The following EMX1 variants were observed in gnomAD, a reference collection of about 807,000 sequenced individuals.
EMX1 encodes homeobox protein EMX1.
In EMX1, 10 loss-of-function variants were observed where a neutral mutation model predicts 20.1. That is an observed-to-expected ratio of 0.50 (90% confidence interval 0.31 to 0.84). The LOEUF is 0.84. Among genes scored for constraint, EMX1 ranks in the 40% least tolerant of loss-of-function variants. EMX1 has a pLI of 0.05. For synonymous variants in EMX1, 250 were observed against 200.4 expected (o/e 1.25, Z -2.09); for missense variants, 424 against 431.9 (o/e 0.98, Z 0.16).
intron 1 of EMX1, among the ~76,000 whole-genome samples, chr2:72,919,383 AT>A (rs148149206): frequency 0.021 from 3,139 of 151,232 alleles, 102 homozygotes; most frequent in African/African-American, 0.071. Flanking sequence ...TTCCAGTTTT[AT>A]TTTGTTAGTG....
intron 2 of EMX1, among the ~76,000 whole-genome samples, chr2:72,928,769 G>A (rs1197028014): frequency 1.3e-5 from 2 of 152,250 alleles, no homozygotes; most frequent in Non-Finnish European, 2.9e-5. Flanking sequence ...CAGGAAGAAT[G>A]ACTAGGGTCC....
chr2:72,926,377 G>A (rs1229260329), intron 2 of EMX1: 2 of 831,028 alleles, frequency 2.4e-6, no homozygotes, highest in Admixed American at 6.2e-5. Flanking sequence ...TAACATAAAC[G>A]TATCCTGCTT....
In EMX1 at chr2:72,917,838, T is replaced by C. The variant is rs1030176420; in HGVS notation, c.-15T>C. 2 of 1,371,022 alleles carry C rather than the reference T, an allele frequency of 1.5e-6. No individual in the cohort carries two copies. Among genetic ancestry groups the C allele is most frequent in the African/African-American group, 1.5e-5 (1 of 65,872 alleles). The allele number at this position is 1,371,022 out of a possible 1,614,324, so 84.9% of individuals were successfully genotyped here. ...GCGGGCGGGCGGGGGAGGTGAGGGG[T>C]GCGGGCGGGTGTGCATGTGCCTGGC... On this transcript the variant is annotated 5_prime_UTR_variant, in exon 1 of 3. Transcript: ENST00000258106.
intron 1 of EMX1, among the ~76,000 whole-genome samples, chr2:72,918,922 G>A (rs1432414372): frequency 6.6e-6 from 1 of 152,222 alleles, no homozygotes; most frequent in Non-Finnish European, 1.5e-5. Flanking sequence ...GTCTTGGGAT[G>A]TTTCTCGGCA....
Position 72,924,390 on chromosome 2 carries a change from C to A in EMX1, c.602C>A (p.Pro201His). The change falls in exon 2 of 3, where the codon CCC (proline) becomes CAC (histidine). Residue 201 changes from proline to histidine, a missense_variant. Coordinates refer to ENST00000258106, the MANE Select transcript of EMX1 (RefSeq NM_004097.3). ...AAGCGGATCCGCACGGCCTTCTCGC[C>A]CTCGCAGCTGCTGCGGCTGGAGCGC... ...KPKRIRTAFS[P>H]SQLLRLERAF... The A allele has an allele frequency of 6.3e-7, 1 of 1,595,722 alleles. No individual in the cohort carries two copies. The highest frequency in any genetic ancestry group is 2.3e-5 in the East Asian group (1 of 44,364).
At chr2:72,925,776 C>A in intron 2 of EMX1, 1 of 985,438 alleles carries the variant, frequency 1.0e-6, no homozygotes, top group Non-Finnish European at 1.2e-6. Flanking sequence ...ACCTTACCCT[C>A]TCCTCCTTCA....
At chr2:72,921,356 G>A (rs72846984) in intron 1 of EMX1, among the ~76,000 whole-genome samples, 1 of 152,270 alleles carries the variant, frequency 6.6e-6, no homozygotes, top group Non-Finnish European at 1.5e-5. Flanking sequence ...CGTTCTCACA[G>A]CCCAGAATTA....
upstream of EMX1, chr2:72,917,502 C>T (rs1050590247): frequency 5.4e-6 from 1 of 185,454 alleles, no homozygotes; most frequent in Non-Finnish European, 1.1e-5. Context: ...TGGGCGAGCG[C>T]GGGGCAGGTG....
upstream of EMX1, chr2:72,917,495 G>A (rs894786020): frequency 3.2e-5 from 6 of 185,690 alleles, no homozygotes; most frequent in Non-Finnish European, 5.5e-5. Flanking sequence ...CGGCCAATGG[G>A]CGAGCGCGGG....
rs1671325176 is a variant in EMX1 at position 72,933,955 on chromosome 2, G to C, written c.*1G>C. 2 of 1,614,218 alleles carry C rather than the reference G, an allele frequency of 1.2e-6. No individual in the cohort carries two copies. Among genetic ancestry groups the C allele is most frequent in the Admixed American group, 1.7e-5 (1 of 60,030 alleles). ...CATCGATGTCACCTCCAATGACTAG[G>C]GTGGGCAACCACAAACCCACGAGGG... On this transcript the variant is annotated 3_prime_UTR_variant, in exon 3 of 3. Transcript: ENST00000258106.
chr2:72,922,472 G>A (rs1033495233), intron 1 of EMX1, among the ~76,000 whole-genome samples: 3 of 152,116 alleles, frequency 2.0e-5, no homozygotes, highest in Non-Finnish European at 4.4e-5. Context: ...CTAGATCTGC[G>A]CCACTTGAAT....
chr2:72,920,126 CGAATCCAGCCCCT>C (rs1444732839), intron 1 of EMX1, among the ~76,000 whole-genome samples: 3 of 152,206 alleles, frequency 2.0e-5, no homozygotes, highest in Non-Finnish European at 4.4e-5. Flanking sequence ...CCCTCGGCTT[CGAATCCAGCCCCT>C]GACGCCCTCC....
chr2:72,928,722 GGCTAA>G (rs1255895687), intron 2 of EMX1, among the ~76,000 whole-genome samples: 2 of 152,202 alleles, frequency 1.3e-5, no homozygotes, highest in Non-Finnish European at 2.9e-5. Flanking sequence ...GAGTGATGAA[GGCTAA>G]GTGCAAAGCT....
chr2:72,916,585 G>A (rs1670965836), upstream of EMX1: 1 of 649,132 alleles, frequency 1.5e-6, no homozygotes, highest in East Asian at 2.7e-5. Flanking sequence ...ACTGGCCGGA[G>A]CAGAGTCGTC....
At position 72,918,285 on chromosome 2, in the gene EMX1, C is replaced by A. The variant is rs1487507216; in HGVS notation, c.433C>A (p.His145Asn). Residue 145 changes from histidine (H) to asparagine (N), a missense_variant, in exon 1 of 3, where the codon CAC becomes AAC. By Grantham distance (68) the His-to-Asn change is moderately conservative (BLOSUM62 1). This residue lies in a region of EMX1 where 333 missense variants were observed against 296.6 expected (regional missense o/e 1.12). Transcript: ENST00000258106. ...QLGASPLQPPHSFFGAQHRDP... is the reference protein window; with the variant it reads ...QLGASPLQPPNSFFGAQHRDP... The stretch of plus-strand genomic sequence containing the variant: ...GGGCGCCTCCCCGCTGCAGCCCCCG[C>A]ACTCCTTCTTCGGCGCCCAGCACCG... 6.3e-7 allele frequency: 1 copy of A among 1,576,142 alleles called. No individual in the cohort carries two copies. Among genetic ancestry groups the A allele is most frequent in the East Asian group, 2.4e-5 (1 of 41,758 alleles).
chr2:72,925,843 A>C (rs905803360), intron 2 of EMX1: 112 of 985,164 alleles, frequency 1.1e-4, no homozygotes, highest in Non-Finnish European at 1.3e-4. Context: ...TTAATCTACA[A>C]ATCGCTCACG....
chr2:72,925,383 C>T, intron 2 of EMX1: 1 of 1,235,376 alleles, frequency 8.1e-7, no homozygotes, highest in South Asian at 1.3e-5. Flanking sequence ...TGTAAGTAGA[C>T]TTTGCCATAA....
chr2:72,918,304 A>G lies in EMX1; in HGVS notation c.452A>G (p.Gln151Arg), dbSNP rs753190584. The G allele has an allele frequency of 6.4e-7, 1 of 1,572,514 alleles. No homozygotes were observed. Among genetic ancestry groups the G allele is most frequent in the Non-Finnish European group, 8.5e-7 (1 of 1,170,226 alleles). Residue 151 changes from glutamine (Q) to arginine (R), a missense_variant, in exon 1 of 3, where the codon CAG becomes CGG. Physicochemically the swap from Gln to Arg is conservative, Grantham distance 43. Transcript: ENST00000258106. The part of the protein sequence containing the change: ...LQPPHSFFGA[Q>R]HRDPLHFYPW... The stretch of plus-strand genomic sequence containing the variant: ...CCCCCGCACTCCTTCTTCGGCGCCC[A>G]GCACCGGGACCCTCTCCATTTCTAC...
At chr2:72,929,309 T>C (rs1386549257) in intron 2 of EMX1, among the ~76,000 whole-genome samples, 1 of 152,114 alleles carries the variant, frequency 6.6e-6, no homozygotes, top group Non-Finnish European at 1.5e-5. Context: ...GTGAATCTTA[T>C]GATGTCTCCC....
Sources: gnomAD v4.1 joint callset for allele counts (sites outside exome capture counted in the v4.1 genomes callset) on GRCh38, gnomAD v4.1.1 for gene constraint, gnomAD v4.1.1 regional missense constraint, MANE v1.5 for transcripts, NCBI Gene and HGNC (gene_info 2026-07-23, HGNC 2026-07-21) for gene names.